The following OLA1 variants were observed in gnomAD, a reference collection of about 807,000 sequenced individuals.
OLA1 encodes the protein obg-like ATPase 1.
Under a neutral mutation model 48.4 loss-of-function variants are expected in OLA1, and 14 were observed. The ratio of observed to expected loss-of-function variants is 0.29; its 90% confidence interval spans 0.19 to 0.45. The LOEUF (loss-of-function observed/expected upper bound fraction) is 0.45. Among genes scored for constraint, OLA1 ranks in the 20% least tolerant of loss-of-function variants. OLA1 has a pLI of 1.00. For synonymous variants in OLA1, 127 were observed against 150.4 expected (o/e 0.84, Z 1.14); for missense variants, 325 against 467.1 (o/e 0.70, Z 2.80).
chr2:174,224,966 T>C (rs1173599658), intron 3 of OLA1, among the ~76,000 whole-genome samples: 3 of 152,174 alleles, frequency 2.0e-5, no homozygotes, highest in Non-Finnish European at 4.4e-5. Flanking sequence ...AAACCACTCA[T>C]ATGATAAATA....
At chr2:174,113,812 G>A (rs2105361182) in intron 7 of OLA1, among the ~76,000 whole-genome samples, 1 of 152,266 alleles carries the variant, frequency 6.6e-6, no homozygotes, top group Non-Finnish European at 1.5e-5. Context: ...TCGCATTCAG[G>A]TCAAATGGAT....
intron 4 of OLA1, among the ~76,000 whole-genome samples, chr2:174,213,129 A>G (rs552136366): frequency 6.6e-6 from 1 of 152,328 alleles, no homozygotes; most frequent in South Asian, 2.1e-4. Flanking sequence ...GCACATGCAA[A>G]CTTAGCTGAA....
At chr2:174,178,791 G>T (rs2105411875) in intron 4 of OLA1, among the ~76,000 whole-genome samples, 1 of 152,006 alleles carries the variant, frequency 6.6e-6, no homozygotes, top group Middle Eastern at 3.4e-3. Context: ...GTACAAACTT[G>T]ATAAATTCCT....
chr2:174,094,963 A>G (rs1685213349), intron 7 of OLA1, among the ~76,000 whole-genome samples: 1 of 152,210 alleles, frequency 6.6e-6, no homozygotes, highest in Admixed American at 6.5e-5. Flanking sequence ...TTCATGTTTT[A>G]GCATGTGACA....
chr2:174,161,148 A>C (rs953006222), intron 4 of OLA1, among the ~76,000 whole-genome samples: 4 of 152,212 alleles, frequency 2.6e-5, no homozygotes, highest in South Asian at 2.1e-4. Flanking sequence ...TACCTATAAG[A>C]ATGCATCCAA....
At chr2:174,101,985 T>G (rs1208599543) in intron 7 of OLA1, among the ~76,000 whole-genome samples, 1 of 152,190 alleles carries the variant, frequency 6.6e-6, no homozygotes, top group South Asian at 2.1e-4. Context: ...ATAGGCAGTT[T>G]AGTTTTATAT....
intron 2 of OLA1, among the ~76,000 whole-genome samples, chr2:174,242,362 C>G (rs1347473150): frequency 1.3e-5 from 2 of 152,218 alleles, no homozygotes; most frequent in Non-Finnish European, 2.9e-5. Flanking sequence ...CTCTGAGAAT[C>G]GAATGCTGCT....
At position 174,176,242 on chromosome 2, in the gene OLA1, T is replaced by C. The variant is rs567510847; in HGVS notation, c.374-34242A>G. Among the ~76,000 whole-genome samples the C allele has an allele frequency of 2.0e-3, 312 of 152,214 alleles. 1 individual carries two copies. Among genetic ancestry groups the C allele is most frequent in the African/African-American group, 7.2e-3 (298 of 41,560 alleles). On this transcript the variant is annotated intron_variant, in intron 4 of 10. Coordinates refer to ENST00000284719, the MANE Select transcript of OLA1 (RefSeq NM_013341.5). ...AGACAAACTTGATATACATACATTA[T>C]CTTTGATAAGGTTTCATACTTGATT...
At chr2:174,158,723 C>T (rs987548775) in intron 4 of OLA1, among the ~76,000 whole-genome samples, 2 of 152,064 alleles carry the variant, frequency 1.3e-5, no homozygotes, top group African/African-American at 4.8e-5. Context: ...CTTTTGTCTA[C>T]AGAACTATTT....
At chr2:174,144,951 A>ATATATATATATATAT (rs1553483449) in intron 4 of OLA1, among the ~76,000 whole-genome samples, 5 of 40,298 alleles carry the variant, frequency 1.2e-4, no homozygotes, top group Admixed American at 4.5e-4. Flanking sequence ...AAAAAAAAAA[A>ATATATATATATATAT]ATATATATAT....
rs553867842 is a variant in OLA1, at chr2:174,085,582, C to T, written c.729-3518G>A. ...GGGGACCGCTTGTCTACAGATTCTT[C>T]GGCAGAATGAGACCATTAGTATTAA... On this transcript the variant is annotated intron_variant, in intron 7 of 10. Coordinates refer to ENST00000284719, the MANE Select transcript of OLA1 (RefSeq NM_013341.5). Among the ~76,000 whole-genome samples the T allele has an allele frequency of 5.3e-5, 8 of 152,254 alleles. No individual in the cohort carries two copies. The South Asian group carries it at 6.2e-4, about 12-fold the overall frequency.
intron 7 of OLA1, among the ~76,000 whole-genome samples, chr2:174,083,780 A>G (rs1684910102): frequency 6.6e-6 from 1 of 152,242 alleles, no homozygotes; most frequent in African/African-American, 2.4e-5. Context: ...ATCACATACC[A>G]AATAGATTCA....
intron 5 of OLA1, among the ~76,000 whole-genome samples, chr2:174,137,739 C>T (rs1454506728): frequency 6.6e-6 from 1 of 152,238 alleles, no homozygotes; most frequent in Non-Finnish European, 1.5e-5. Context: ...AACTTTTCTT[C>T]TGCAGCTTCC....
At chr2:174,223,261 G>A in intron 3 of OLA1, 101 bp from the exon 4 acceptor site, 1 of 1,106,442 alleles carries the variant, frequency 9.0e-7, no homozygotes, top group Non-Finnish European at 1.3e-6. Context: ...TTCCTTTCTA[G>A]AACAATGGAA....
intron 5 of OLA1, among the ~76,000 whole-genome samples, chr2:174,134,700 T>C (rs771293873): frequency 5.9e-5 from 9 of 152,056 alleles, no homozygotes; most frequent in Non-Finnish European, 1.3e-4. Flanking sequence ...TGAAAACATA[T>C]AGGGGTAATG....
chr2:174,134,078 G>A (rs1269032403), intron 5 of OLA1, among the ~76,000 whole-genome samples: 1 of 152,190 alleles, frequency 6.6e-6, no homozygotes, highest in South Asian at 2.1e-4. Context: ...TAATGTTTTT[G>A]AGGCTCATGC....
chr2:174,131,596 T>C (rs975409732), intron 5 of OLA1, among the ~76,000 whole-genome samples: 4 of 152,122 alleles, frequency 2.6e-5, no homozygotes, highest in South Asian at 2.1e-4. Context: ...GACAATTTCA[T>C]TTGCTTCACA....
Position 174,188,304 on chromosome 2 carries a change from G to A in OLA1, c.373+34729C>T, listed in dbSNP as rs78207172. ...ATTTTAAAAAGCCATCGAGCAGAAT[G>A]TCTCCTCACGCCTACAAAACCCACT... On this transcript the variant is annotated intron_variant, in intron 4 of 10. Transcript: ENST00000284719. 8.1e-3 allele frequency among the ~76,000 whole-genome samples: 1,230 copies of A among 152,080 alleles called. 20 individuals are homozygous for A. The highest frequency in any genetic ancestry group is 0.028 in the African/African-American group (1,148 of 41,498).
chr2:174,113,089 C>T (rs1333872735), intron 7 of OLA1, among the ~76,000 whole-genome samples: 5 of 151,888 alleles, frequency 3.3e-5, no homozygotes, highest in Admixed American at 2.0e-4. Context: ...TACAGGTGCC[C>T]GCCACCAAGC....
Sources: allele counts gnomAD v4.1 joint callset (sites outside exome capture counted in the v4.1 genomes callset), GRCh38; gene constraint gnomAD v4.1.1; transcripts MANE v1.5; gene names NCBI Gene and HGNC (gene_info 2026-07-23, HGNC 2026-07-21).